SLIT3: variants seen among roughly 807,000 people sequenced by gnomAD.
The protein encoded by SLIT3 is slit guidance ligand 3.
Under a neutral mutation model 184.0 loss-of-function variants are expected in SLIT3, and 68 were observed. That is an observed-to-expected ratio of 0.37 (90% CI 0.30 to 0.45). The LOEUF (loss-of-function observed/expected upper bound fraction) is 0.45, where lower values mean the gene tolerates loss of function less well. SLIT3 is among the 20% of genes least tolerant of loss of function. The pLI, the probability that SLIT3 is intolerant of heterozygous loss-of-function variation, is 1.00. For synonymous variants in SLIT3, 831 were observed against 828.6 expected (o/e 1.00, Z -0.05); for missense variants, 1,707 against 2,026.0 (o/e 0.84, Z 3.02).
rs142022259 is a variant in SLIT3 at position 168,750,325 on chromosome 5, C to T, written c.1974-690G>A. On this transcript the variant is annotated intron_variant, in intron 18 of 35. Transcript: ENST00000519560. ...TGTTTACTACAGGACTGGGACCATGCCACGCACTTTATAAATCCATTGTCT... is the reference window on the plus strand; with the variant it reads ...TGTTTACTACAGGACTGGGACCATGTCACGCACTTTATAAATCCATTGTCT... 1.1e-3 allele frequency among the ~76,000 whole-genome samples: 171 copies of T among 152,336 alleles called. 1 individual carries two copies. The highest frequency in any genetic ancestry group is 3.8e-3 in the African/African-American group (158 of 41,562).
At chr5:168,953,148 T>G (rs904408247) in intron 4 of SLIT3, among the ~76,000 whole-genome samples, 1 of 152,110 alleles carries the variant, frequency 6.6e-6, no homozygotes, top group South Asian at 2.1e-4. Context: ...CAAGGCCTAG[T>G]TGGGAACAGG....
intron 4 of SLIT3, among the ~76,000 whole-genome samples, chr5:169,115,003 T>C (rs981805449): frequency 6.6e-6 from 1 of 152,150 alleles, no homozygotes; most frequent in Non-Finnish European, 1.5e-5. Flanking sequence ...CTGCATTGGA[T>C]CCTATGGTTT....
chr5:169,169,111 C>A (rs1015479744), intron 4 of SLIT3, among the ~76,000 whole-genome samples: 1 of 152,236 alleles, frequency 6.6e-6, no homozygotes, highest in South Asian at 2.1e-4. Flanking sequence ...TGCCTCCAAT[C>A]TCTAGGTGCC....
intron 3 of SLIT3, among the ~76,000 whole-genome samples, chr5:169,241,097 A>G (rs1463379040): frequency 6.6e-6 from 1 of 152,056 alleles, no homozygotes; most frequent in Non-Finnish European, 1.5e-5. Context: ...GACTTTTTTA[A>G]AAGATCAGGG....
intron 18 of SLIT3, 85 bp from the exon 19 acceptor site, chr5:168,749,720 A>G (rs1247879385): frequency 2.3e-5 from 34 of 1,456,540 alleles, no homozygotes; most frequent in Non-Finnish European, 3.1e-5. Context: ...CAGCTCTCCT[A>G]GCCAGGAAGG....
chr5:168,763,635 G>T (rs902580036), intron 14 of SLIT3, among the ~76,000 whole-genome samples: 1 of 152,086 alleles, frequency 6.6e-6, no homozygotes, highest in African/African-American at 2.4e-5. Flanking sequence ...GAAATGCCTC[G>T]GCGAGTTGCC....
At chr5:169,203,829 A>G (rs1763980792) in intron 3 of SLIT3, among the ~76,000 whole-genome samples, 1 of 152,052 alleles carries the variant, frequency 6.6e-6, no homozygotes, top group East Asian at 1.9e-4. Flanking sequence ...AAAACTTTGG[A>G]ACTACTGTTA....
intron 35 of SLIT3, among the ~76,000 whole-genome samples, chr5:168,668,748 C>T (rs900167310): frequency 6.6e-6 from 1 of 152,072 alleles, no homozygotes. Context: ...CACTCCTGGC[C>T]CTATCTAGAT....
intron 3 of SLIT3, among the ~76,000 whole-genome samples, chr5:169,207,790 G>A (rs1764124841): frequency 6.6e-6 from 1 of 152,088 alleles, no homozygotes; most frequent in Non-Finnish European, 1.5e-5. Flanking sequence ...CCTTTGGGCG[G>A]TGACTGGGCC....
At chr5:169,096,451 A>G (rs770715281) in intron 4 of SLIT3, among the ~76,000 whole-genome samples, 32 of 152,254 alleles carry the variant, frequency 2.1e-4, no homozygotes, top group South Asian at 4.1e-4. Flanking sequence ...TGCAAGTCTT[A>G]AGGTTCTTTT....
At chr5:169,226,018 G>T (rs2113541126) in intron 3 of SLIT3, among the ~76,000 whole-genome samples, 2 of 152,258 alleles carry the variant, frequency 1.3e-5, no homozygotes, top group South Asian at 4.1e-4. Context: ...GATGAGATCA[G>T]CACAGTGGAT....
At chr5:168,824,912 C>A (rs944370356) in intron 6 of SLIT3, among the ~76,000 whole-genome samples, 9 of 152,204 alleles carry the variant, frequency 5.9e-5, no homozygotes, top group African/African-American at 2.2e-4. Flanking sequence ...TTATCTTCCG[C>A]TTCAAATGCC....
chr5:169,002,309 C>T (rs112915089), intron 4 of SLIT3, among the ~76,000 whole-genome samples: 79 of 83,186 alleles, frequency 9.5e-4, no homozygotes, highest in African/African-American at 3.9e-3. Context: ...AGCAACAGAA[C>T]GAGACTCTGT....
intron 12 of SLIT3, among the ~76,000 whole-genome samples, chr5:168,777,139 T>C (rs964387501): frequency 1.3e-5 from 2 of 151,704 alleles, no homozygotes; most frequent in African/African-American, 4.8e-5. Context: ...ATCAAATTTC[T>C]ATTTTCTCTT....
chr5:169,057,705 A>G (rs1758050546), intron 4 of SLIT3, among the ~76,000 whole-genome samples: 1 of 152,206 alleles, frequency 6.6e-6, no homozygotes, highest in South Asian at 2.1e-4. Context: ...TGCCAGAAGA[A>G]GGGACCACAG....
At chr5:169,079,866 A>AGGAGGGAGGGAGGAGGGGGAGGG in intron 4 of SLIT3, among the ~76,000 whole-genome samples, 1 of 127,996 alleles carries the variant, frequency 7.8e-6, no homozygotes, top group South Asian at 3.0e-4. Flanking sequence ...AGGGAGGAGG[A>AGGAGGGAGGGAGGAGGGGGAGGG]AAGGTGGAGG....
intron 4 of SLIT3, among the ~76,000 whole-genome samples, chr5:168,909,756 T>C (rs1761194292): frequency 6.6e-6 from 1 of 152,150 alleles, no homozygotes. Context: ...CAAACTCAGC[T>C]CCTCCTGGCA....
chr5:169,105,351 G>A lies in SLIT3; in HGVS notation c.413+88128C>T, dbSNP rs141421132. 3.9e-3 allele frequency among the ~76,000 whole-genome samples: 599 copies of A among 152,264 alleles called. 5 individuals carry two copies. The highest frequency in any genetic ancestry group is 0.014 in the African/African-American group (573 of 41,550). On this transcript the variant is annotated intron_variant, in intron 4 of 35. Coordinates refer to ENST00000519560, the MANE Select transcript of SLIT3 (RefSeq NM_003062.4). The stretch of plus-strand genomic sequence containing the variant: ...TATGTACATGCTTGCACAGATCGAG[G>A]AGGCTTTTCTTTTTCCTTTTAAACC...
intron 4 of SLIT3, among the ~76,000 whole-genome samples, chr5:169,150,516 TACACAC>T: frequency 1.4e-5 from 2 of 145,444 alleles, no homozygotes; most frequent in South Asian, 2.2e-4. Context: ...TTCACTCACA[TACACAC>T]ACACACACAC....
Sources: allele counts gnomAD v4.1 joint callset (sites outside exome capture counted in the v4.1 genomes callset), GRCh38; gene constraint gnomAD v4.1.1; transcripts MANE v1.5; gene names NCBI Gene and HGNC (gene_info 2026-07-23, HGNC 2026-07-21).